Variants in INTS7 observed in about 807,000 individuals in gnomAD.
INTS7 encodes the protein integrator complex subunit 7.
Under a neutral mutation model 109.2 loss-of-function variants are expected in INTS7, and 46 were observed. The ratio of observed to expected loss-of-function variants is 0.42; its 90% CI spans 0.33 to 0.54. The LOEUF is 0.54. Ranked by LOEUF, INTS7 falls within the 20% of genes least tolerant of loss-of-function variation. The pLI, the probability that INTS7 is intolerant of heterozygous loss-of-function variation, is 0.07. For synonymous variants in INTS7, 412 were observed against 402.9 expected, an observed-to-expected ratio of 1.02 and a Z score of -0.27; for missense variants, 929 against 1,132.4, an observed-to-expected ratio of 0.82 and a Z score of 2.58.
rs779809861 is a variant in INTS7 at position 211,944,929 on chromosome 1, A to G, written c.2456T>C (p.Ile819Thr). 9 of 1,614,206 alleles carry G rather than the reference A, an allele frequency of 5.6e-6. No individual in the cohort carries two copies. The South Asian group carries it at 6.6e-5, about 12-fold the overall frequency. ...SPSPRNPAEP[I>T]AVQNNQQLAL... ...CAGCTGCTGGTTATTCTGGACAGCA[A>G]TGGGCTCTGCAGGATTCCGGGGCGA... Residue 819 changes from isoleucine to threonine, a missense_variant, in exon 19 of 20, where the codon ATT (isoleucine) becomes ACT (threonine). By Grantham distance (89) the Ile-to-Thr change is moderately conservative. Transcript: ENST00000366994.
intron 3 of INTS7, among the ~76,000 whole-genome samples, chr1:212,017,610 G>GA (rs1224581596): frequency 7.9e-5 from 12 of 152,096 alleles, no homozygotes; most frequent in South Asian, 2.1e-4. Flanking sequence ...ATTTAGAAAG[G>GA]AAAAAAATCT....
rs150005641 is a variant in INTS7, at chr1:211,995,373, TTTTC to T, written c.880-7374_880-7371del. 5.5e-3 allele frequency among the ~76,000 whole-genome samples: 835 copies of T among 152,308 alleles called. 4 individuals carry two copies. Among genetic ancestry groups the T allele is most frequent in the African/African-American group, 0.019 (778 of 41,552 alleles). Reference sequence around the variant, plus strand: ...ATTAAGTCAAAAGAGGTAAACTGTTTTTTCTTTCTTTATTTTACCTGACAGCAAT... The same window carrying T: ...ATTAAGTCAAAAGAGGTAAACTGTTTTTTCTTTATTTTACCTGACAGCAAT... On this transcript the variant is annotated intron_variant, in intron 7 of 19. Transcript: ENST00000366994.
intron 7 of INTS7, among the ~76,000 whole-genome samples, chr1:212,001,011 C>G (rs1162398778): frequency 6.6e-6 from 1 of 151,674 alleles, no homozygotes; most frequent in Non-Finnish European, 1.5e-5. Flanking sequence ...AAACAAACAG[C>G]ATACCCTTTA....
intron 1 of INTS7, among the ~76,000 whole-genome samples, chr1:212,025,162 T>C (rs921571740): frequency 6.6e-6 from 1 of 152,354 alleles, no homozygotes; most frequent in East Asian, 1.9e-4. Context: ...TGTGAAATCA[T>C]ACCTTATTTT....
In INTS7 at chr1:212,007,380, A is replaced by T; in HGVS notation, c.626T>A (p.Ile209Asn). 1.9e-6 allele frequency: 3 copies of T among 1,614,056 alleles called. No homozygotes were observed. Among genetic ancestry groups the T allele is most frequent in the Non-Finnish European group, 2.5e-6 (3 of 1,179,932 alleles). Residue 209 changes from isoleucine to asparagine, a missense_variant, in exon 6 of 20, where the codon ATC becomes AAC. By Grantham distance (149) the Ile-to-Asn change is moderately radical. Transcript: ENST00000366994. ...PILQHMHHDA[I>N]LASSARQLLQ... The stretch of plus-strand genomic sequence containing the variant: ...AAGCTGACGAGCACTGGAAGCCAAG[A>T]TTGCATCATGGTGCATGTGCTGTAG...
At chr1:212,024,630 G>A (rs1047957421) in intron 1 of INTS7, among the ~76,000 whole-genome samples, 4 of 152,150 alleles carry the variant, frequency 2.6e-5, no homozygotes, top group Non-Finnish European at 4.4e-5. Flanking sequence ...ATCAACTAGT[G>A]GATGAATAAA....
chr1:211,953,493 G>C (rs983191964), intron 16 of INTS7, among the ~76,000 whole-genome samples: 2 of 149,940 alleles, frequency 1.3e-5, no homozygotes, highest in African/African-American at 4.9e-5. Flanking sequence ...TTGGTGTGCT[G>C]CACCCATTAA....
intron 7 of INTS7, among the ~76,000 whole-genome samples, chr1:212,000,932 G>A (rs1175528487): frequency 6.6e-6 from 1 of 152,062 alleles, no homozygotes; most frequent in African/African-American, 2.4e-5. Flanking sequence ...CATTGCTGTT[G>A]CAATTCTTCC....
intron 9 of INTS7, 96 bp from the exon 10 acceptor site, chr1:211,981,286 A>G: frequency 1.4e-6 from 1 of 695,550 alleles, no homozygotes; most frequent in Non-Finnish European, 2.5e-6. Flanking sequence ...AAAAAACATT[A>G]AGGAGTTTAA....
At chr1:212,001,142 C>T (rs573373011) in intron 7 of INTS7, among the ~76,000 whole-genome samples, 2 of 151,204 alleles carry the variant, frequency 1.3e-5, no homozygotes, top group African/African-American at 4.9e-5. Flanking sequence ...TCTAGGCTCA[C>T]CGCAACCTCT....
intron 13 of INTS7, among the ~76,000 whole-genome samples, chr1:211,973,807 T>G (rs1664281422): frequency 6.6e-6 from 1 of 152,210 alleles, no homozygotes; most frequent in South Asian, 2.1e-4. Flanking sequence ...AAAACAGTGT[T>G]TGACACATAC....
chr1:212,016,240 G>A (rs1009143263), intron 4 of INTS7, among the ~76,000 whole-genome samples: 1 of 152,176 alleles, frequency 6.6e-6, no homozygotes, highest in South Asian at 2.1e-4. Flanking sequence ...CTGGGTCAAA[G>A]GGATGTACTT....
chr1:212,029,431 G>A (rs1482214230), intron 1 of INTS7, among the ~76,000 whole-genome samples: 2 of 152,204 alleles, frequency 1.3e-5, no homozygotes, highest in African/African-American at 4.8e-5. Flanking sequence ...AGAACTGTGA[G>A]TGGACACTTC....
At position 211,947,414 on chromosome 1, in the gene INTS7, T is replaced by C. The variant is rs142659716; in HGVS notation, c.2317-709A>G. On this transcript the variant is annotated intron_variant, in intron 17 of 19. Coordinates refer to ENST00000366994, the MANE Select transcript of INTS7 (RefSeq NM_015434.4). The stretch of plus-strand genomic sequence containing the variant: ...ATATTTTAAAGATTACCCAGTCTAA[T>C]AGAAGAAAACTGAAAGTATCATAAG... 5.6e-4 allele frequency among the ~76,000 whole-genome samples: 85 copies of C among 152,300 alleles called. 1 individual carries two copies. The South Asian group carries it at 0.013, about 23-fold the overall frequency.
Position 211,946,467 on chromosome 1 carries a change from C to G in INTS7, c.2415+140G>C. 3.6e-6 allele frequency: 2 copies of G among 552,016 alleles called. No individual in the cohort carries two copies. Among genetic ancestry groups the G allele is most frequent in the Non-Finnish European group, 6.4e-6 (2 of 313,548 alleles). The allele number at this position is 552,016 out of a possible 1,614,324, so 34.2% of individuals were successfully genotyped here. ...CTCCAGCCCAGGCGACAGGGCGAGA[C>G]TCTGTCTCAAAAAACAAAACAAAAC... On this transcript the variant is annotated intron_variant, in intron 18 of 19. Transcript: ENST00000366994. This position sits in a 1 kb window ranked among gnomAD's most constrained non-coding sequence, Gnocchi z 4.3.
chr1:212,026,320 T>C (rs1045656941), intron 1 of INTS7, among the ~76,000 whole-genome samples: 1 of 152,154 alleles, frequency 6.6e-6, no homozygotes, highest in Non-Finnish European at 1.5e-5. Flanking sequence ...TATTTCCTCA[T>C]AGGAAAATAA....
chr1:212,027,777 G>A (rs914716127), intron 1 of INTS7, among the ~76,000 whole-genome samples: 1 of 152,068 alleles, frequency 6.6e-6, no homozygotes, highest in African/African-American at 2.4e-5. Flanking sequence ...CTAAATATAT[G>A]GGGCAGAGTC....
chr1:212,017,126 G>A, intron 3 of INTS7, 103 bp from the exon 4 acceptor site: 2 of 848,426 alleles, frequency 2.4e-6, no homozygotes, highest in East Asian at 2.9e-5. Flanking sequence ...AAAGTTTATA[G>A]GTAATTCTAT....
chr1:211,978,346 C>T lies in INTS7; in HGVS notation c.1396G>A (p.Gly466Arg), dbSNP rs1664506588. The T allele has an allele frequency of 1.2e-6, 2 of 1,614,068 alleles. No homozygotes were observed. The highest frequency in any genetic ancestry group is 1.7e-6 in the Non-Finnish European group (2 of 1,180,032). The part of the protein sequence containing the change: ...IAMQLPVLGD[G>R]MLGDLMELYK... ...AGCTCCATGAGGTCACCAAGCATCC[C>T]ATCACCCAGCACCGGCAGTTGCATG... Residue 466 changes from glycine to arginine, a missense_variant, in exon 11 of 20, where the codon GGG becomes AGG. Physicochemically the swap from Gly to Arg is moderately radical, Grantham distance 125. Around this residue, in one of 2 missense-constraint regions of INTS7, gnomAD observed 787 missense variants for 901.1 expected, o/e 0.87. Coordinates refer to ENST00000366994, the MANE Select transcript of INTS7 (RefSeq NM_015434.4).
Sources: gnomAD v4.1 joint callset for allele counts (sites outside exome capture counted in the v4.1 genomes callset) on GRCh38, gnomAD v4.1.1 for gene constraint, gnomAD v4.1.1 regional missense constraint, Gnocchi (gnomAD v3.1) non-coding constraint, MANE v1.5 for transcripts, NCBI Gene and HGNC (gene_info 2026-07-23, HGNC 2026-07-21) for gene names.